The following KCNK12 variants were observed in gnomAD, a reference collection of about 807,000 sequenced individuals.
KCNK12 encodes potassium channel subfamily K member 12.
In KCNK12, 6 loss-of-function variants were observed where a neutral mutation model predicts 25.3. The ratio of observed to expected loss-of-function variants is 0.24; its 90% CI spans 0.13 to 0.47. The LOEUF is 0.47. Among genes scored for constraint, KCNK12 ranks in the 20% least tolerant of loss-of-function variants. The pLI is 0.99. For synonymous variants in KCNK12, 331 were observed against 311.1 expected (o/e 1.06, Z -0.67); for missense variants, 444 against 661.7 (o/e 0.67, Z 3.61).
Position 47,551,172 on chromosome 2 carries a change from C to G in KCNK12, c.391+18769G>C, listed in dbSNP as rs1397187194. ...ATTCTAACTCCCACTTGCCCCTCCT[C>G]CAAACACTATTCCAGACACACTGGC... On this transcript the variant is annotated intron_variant, in intron 1 of 1. Transcript: ENST00000327876. The surrounding 1 kb of genome is among the most constrained non-coding windows in gnomAD (Gnocchi z 5.3). Among the ~76,000 whole-genome samples, 1 of 152,166 alleles carries G rather than the reference C, an allele frequency of 6.6e-6. No individual in the cohort carries two copies. The highest frequency in any genetic ancestry group is 1.5e-5 in the Non-Finnish European group (1 of 68,030).
chr2:47,568,953 G>C (rs1669835308), intron 1 of KCNK12, among the ~76,000 whole-genome samples: 2 of 151,982 alleles, frequency 1.3e-5, no homozygotes, highest in Non-Finnish European at 2.9e-5. Flanking sequence ...ATGACACCCA[G>C]GGCCCAGGGA....
At chr2:47,532,165 T>A (rs78049903) in intron 1 of KCNK12, among the ~76,000 whole-genome samples, 3 of 151,876 alleles carry the variant, frequency 2.0e-5, no homozygotes, top group Non-Finnish European at 4.4e-5. Flanking sequence ...ACAGACAACA[T>A]TGACTATCCT....
rs1669360143 is a variant in KCNK12, at chr2:47,548,515, T to C, written c.391+21426A>G. ...TAAGGGCAAAAGTCTTAGAGCCCTTTTTTATTCTTTTGCTTTCTCTCACAC... is the reference window on the plus strand; with the variant it reads ...TAAGGGCAAAAGTCTTAGAGCCCTTCTTTATTCTTTTGCTTTCTCTCACAC... On this transcript the variant is annotated intron_variant, in intron 1 of 1. Coordinates refer to ENST00000327876, the MANE Select transcript of KCNK12 (RefSeq NM_022055.2). The surrounding 1 kb of genome is among the most constrained non-coding windows in gnomAD (Gnocchi z 4.4). Among the ~76,000 whole-genome samples, 1 of 152,194 alleles carries C rather than the reference T, an allele frequency of 6.6e-6. No individual in the cohort carries two copies. The highest frequency in any genetic ancestry group is 2.1e-4 in the South Asian group (1 of 4,826).
chr2:47,548,244 A>C lies in KCNK12; in HGVS notation c.391+21697T>G, dbSNP rs1162901182. 6.6e-6 allele frequency among the ~76,000 whole-genome samples: 1 copy of C among 152,232 alleles called. No homozygotes were observed. Among genetic ancestry groups the C allele is most frequent in the African/African-American group, 2.4e-5 (1 of 41,456 alleles). On this transcript the variant is annotated intron_variant, in intron 1 of 1. Coordinates refer to ENST00000327876, the MANE Select transcript of KCNK12 (RefSeq NM_022055.2). The surrounding 1 kb of genome is among the most constrained non-coding windows in gnomAD (Gnocchi z 4.4). Reference sequence around the variant, plus strand: ...CAGTGATGATAACATTGCTTTAGCCAGGGTTAAGAACCAGTGGTCTATAGG... The same window carrying C: ...CAGTGATGATAACATTGCTTTAGCCCGGGTTAAGAACCAGTGGTCTATAGG...
Position 47,570,548 on chromosome 2 carries a change from G to A in KCNK12, c.-217C>T. 1 of 366,044 alleles carries A rather than the reference G, an allele frequency of 2.7e-6. No individual in the cohort carries two copies. Among genetic ancestry groups the A allele is most frequent in the Non-Finnish European group, 4.5e-6 (1 of 219,934 alleles). The allele number at this position is 366,044 out of a possible 1,614,324, so 22.7% of individuals were successfully genotyped here. ...GCTCAGGCCACACGCGAGTCCCGTG[G>A]CCCAGCGGGTGCCCGGGCAGGGGCG... On this transcript the variant is annotated 5_prime_UTR_variant, in exon 1 of 2. Transcript: ENST00000327876.
At chr2:47,537,978 G>A (rs149523510) in intron 1 of KCNK12, among the ~76,000 whole-genome samples, 1,848 of 152,292 alleles carry the variant, frequency 0.012, 21 homozygotes, top group Middle Eastern at 0.031. Context: ...GGCATTCAAG[G>A]GTTCAGGTGT....
intron 1 of KCNK12, among the ~76,000 whole-genome samples, chr2:47,552,803 G>A (rs1017345044): frequency 8.6e-5 from 13 of 151,306 alleles, no homozygotes; most frequent in Non-Finnish European, 1.9e-4. Context: ...AAATCCCCAG[G>A]CCCACGGTCA....
intron 1 of KCNK12, among the ~76,000 whole-genome samples, chr2:47,554,453 GA>G (rs1305658822): frequency 6.6e-6 from 1 of 152,214 alleles, no homozygotes; most frequent in Non-Finnish European, 1.5e-5. Context: ...ATGTGGTTAA[GA>G]GAAGTCAGCC....
chr2:47,552,851 C>T (rs1303997211), intron 1 of KCNK12, among the ~76,000 whole-genome samples: 1 of 152,132 alleles, frequency 6.6e-6, no homozygotes, highest in Non-Finnish European at 1.5e-5. Context: ...GGCATGATGT[C>T]AAGAAATGAG....
Position 47,514,078 on chromosome 2 carries a change from G to T in KCNK12, c.*6829C>A, listed in dbSNP as rs528259135. Among the ~76,000 whole-genome samples, 1 of 152,234 alleles carries T rather than the reference G, an allele frequency of 6.6e-6. No individual in the cohort carries two copies. Among genetic ancestry groups the T allele is most frequent in the East Asian group, 1.9e-4 (1 of 5,178 alleles). On this transcript the variant is annotated 3_prime_UTR_variant, in exon 2 of 2. Coordinates refer to ENST00000327876, the MANE Select transcript of KCNK12 (RefSeq NM_022055.2). The surrounding 1 kb of genome is among the most constrained non-coding windows in gnomAD (Gnocchi z 5.0). ...GCCCCCTCATTACCTCCCTTGCTCT[G>T]CATGCTCCAGTCCTGCAGAACTACA... is the stretch of plus-strand genomic sequence containing the variant.
intron 1 of KCNK12, among the ~76,000 whole-genome samples, chr2:47,554,551 G>A (rs2104861567): frequency 6.6e-6 from 1 of 152,340 alleles, no homozygotes; most frequent in East Asian, 1.9e-4. Context: ...AGTCCAGCGT[G>A]GCTGTAGTGC....
At chr2:47,531,811 C>G (rs1668936458) in intron 1 of KCNK12, among the ~76,000 whole-genome samples, 1 of 152,178 alleles carries the variant, frequency 6.6e-6, no homozygotes, top group Non-Finnish European at 1.5e-5. Flanking sequence ...TGTGATAAGA[C>G]AGAAGTTTCC....
rs143700229 is a variant in KCNK12 at position 47,529,651 on chromosome 2, C to G, written c.392-7843G>C. On this transcript the variant is annotated intron_variant, in intron 1 of 1. Coordinates refer to ENST00000327876, the MANE Select transcript of KCNK12 (RefSeq NM_022055.2). The surrounding 1 kb of genome is among the most constrained non-coding windows in gnomAD (Gnocchi z 4.3). The stretch of plus-strand genomic sequence containing the variant: ...AGGATAATCCAGTTCCTTACCATGA[C>G]TGGCTCAAGAATGGGTAGACCTAAG... Among the ~76,000 whole-genome samples, 1,335 of 152,306 alleles carry G rather than the reference C, an allele frequency of 8.8e-3. 17 individuals are homozygous for G. Among genetic ancestry groups the G allele is most frequent in the African/African-American group, 0.03 (1,257 of 41,552 alleles).
intron 1 of KCNK12, among the ~76,000 whole-genome samples, chr2:47,559,946 A>C (rs988753083): frequency 6.6e-6 from 1 of 152,214 alleles, no homozygotes; most frequent in Non-Finnish European, 1.5e-5. Flanking sequence ...AGTGCGAGGT[A>C]AGGGGGACAG....
chr2:47,550,957 G>T (rs6736039), intron 1 of KCNK12, among the ~76,000 whole-genome samples: 72,787 of 151,824 alleles, frequency 0.48, 18,483 homozygotes, highest in African/African-American at 0.65. Context: ...AGTGGTCTTA[G>T]AAATCAGATC....
chr2:47,564,719 A>G (rs886249275), intron 1 of KCNK12: 2 of 173,492 alleles, frequency 1.2e-5, no homozygotes, highest in African/African-American at 4.8e-5. Flanking sequence ...AATATTGTTT[A>G]CTATGGGCTA....
At position 47,515,108 on chromosome 2, in the gene KCNK12, C is replaced by T. The variant is rs1272411821; in HGVS notation, c.*5799G>A. 1.3e-5 allele frequency among the ~76,000 whole-genome samples: 2 copies of T among 152,128 alleles called. No individual in the cohort carries two copies. Among genetic ancestry groups the T allele is most frequent in the African/African-American group, 4.8e-5 (2 of 41,428 alleles). ...TATGCAGGTAAAACAGCCACCTGTG[C>T]CCATCACATAGCTGGGGCACAGCTG... On this transcript the variant is annotated 3_prime_UTR_variant, in exon 2 of 2. Transcript: ENST00000327876.
rs921064623 is a variant in KCNK12 at position 47,560,816 on chromosome 2, G to C, written c.391+9125C>G. On this transcript the variant is annotated intron_variant, in intron 1 of 1. Coordinates refer to ENST00000327876, the MANE Select transcript of KCNK12 (RefSeq NM_022055.2). The surrounding 1 kb of genome is among the most constrained non-coding windows in gnomAD (Gnocchi z 4.7). ...ATCCCCCTCACTCCCCAGAACAAAG[G>C]CATTGGCTGCTGGCATGATGGAGAG... is the stretch of plus-strand genomic sequence containing the variant. Among the ~76,000 whole-genome samples the C allele has an allele frequency of 4.6e-5, 7 of 152,172 alleles. No individual in the cohort carries two copies. The highest frequency in any genetic ancestry group is 1.7e-4 in the African/African-American group (7 of 41,432).
chr2:47,559,580 G>A (rs1286126820), intron 1 of KCNK12, among the ~76,000 whole-genome samples: 1 of 152,194 alleles, frequency 6.6e-6, no homozygotes, highest in Non-Finnish European at 1.5e-5. Flanking sequence ...TGCCATGATG[G>A]TTATTATCAT....
Sources: gnomAD v4.1 joint callset for allele counts (sites outside exome capture counted in the v4.1 genomes callset) on GRCh38, gnomAD v4.1.1 for gene constraint, Gnocchi (gnomAD v3.1) non-coding constraint, MANE v1.5 for transcripts, NCBI Gene and HGNC (gene_info 2026-07-23, HGNC 2026-07-21) for gene names.